The following PAX7 variants were observed in gnomAD, a reference collection of about 807,000 sequenced individuals.
The protein encoded by PAX7 is paired box protein Pax-7.
Under a neutral mutation model 50.7 loss-of-function variants are expected in PAX7, and 18 were observed. That is an observed-to-expected ratio of 0.36 (90% CI 0.25 to 0.53). PAX7 has a LOEUF of 0.53. Ranked by LOEUF, PAX7 falls within the 20% of genes least tolerant of loss-of-function variation. The pLI is 0.93. For synonymous variants in PAX7, 310 were observed against 290.4 expected, an observed-to-expected ratio of 1.07 and a Z score of -0.69; for missense variants, 644 against 702.9, an observed-to-expected ratio of 0.92 and a Z score of 0.95.
chr1:18,708,727 A>G (rs1204501528), intron 7 of PAX7, among the ~76,000 whole-genome samples: 1 of 152,078 alleles, frequency 6.6e-6, no homozygotes. Flanking sequence ...GGCAGAAAGG[A>G]GAACACAAGG....
At chr1:18,739,129 C>T (rs1930979488) in intron 8 of PAX7, among the ~76,000 whole-genome samples, 1 of 152,242 alleles carries the variant, frequency 6.6e-6, no homozygotes, top group Non-Finnish European at 1.5e-5. Context: ...GCATGCTCCT[C>T]ATTCATGTCA....
chr1:18,644,038 G>A (rs1175827611), intron 4 of PAX7, among the ~76,000 whole-genome samples: 1 of 152,248 alleles, frequency 6.6e-6, no homozygotes, highest in African/African-American at 2.4e-5. Context: ...CAATTTAGCC[G>A]CCGCCCCTTC....
At chr1:18,716,906 TG>T (rs2089431358) in intron 7 of PAX7, among the ~76,000 whole-genome samples, 1 of 151,632 alleles carries the variant, frequency 6.6e-6, no homozygotes, top group Non-Finnish European at 1.5e-5. Flanking sequence ...CCGCTGCTGG[TG>T]GGCTCCGAGG....
chr1:18,696,346 C>T (rs12563819), intron 5 of PAX7, among the ~76,000 whole-genome samples: 8,622 of 152,186 alleles, frequency 0.057, 414 homozygotes, highest in East Asian at 0.25. Context: ...GGATTACAGG[C>T]ATGAGCCACT....
intron 7 of PAX7, among the ~76,000 whole-genome samples, chr1:18,725,612 G>T (rs1375568159): frequency 6.6e-6 from 1 of 152,168 alleles, no homozygotes; most frequent in Non-Finnish European, 1.5e-5. Flanking sequence ...TTACAAAACG[G>T]CCATTTGCCG....
At chr1:18,724,032 C>T (rs778828184) in intron 7 of PAX7, among the ~76,000 whole-genome samples, 15 of 152,336 alleles carry the variant, frequency 9.8e-5, no homozygotes, top group South Asian at 2.1e-4. Flanking sequence ...TCAGTGCCCC[C>T]GCCACTCTCA....
At position 18,744,941 on chromosome 1, in the gene PAX7, C is replaced by T. The variant is rs1230573538; in HGVS notation, c.*12C>T. ...GCCAGGCCTACTAGGGCCCCTGGGG[C>T]GACTTGCCCCAGCCCAATTCCCAGC... On this transcript the variant is annotated 3_prime_UTR_variant, in exon 9 of 9. Coordinates refer to ENST00000420770, the MANE Select transcript of PAX7 (RefSeq NM_001135254.2). The T allele has an allele frequency of 2.0e-5, 29 of 1,452,612 alleles. No individual in the cohort carries two copies. Among genetic ancestry groups the T allele is most frequent in the East Asian group, 9.9e-5 (4 of 40,436 alleles). The allele number at this position is 1,452,612 out of a possible 1,614,324, so 90.0% of individuals were successfully genotyped here. A position where few individuals can be genotyped will look rare whatever the true frequency, so the allele number is the denominator to read the frequency against.
intron 7 of PAX7, among the ~76,000 whole-genome samples, chr1:18,704,978 C>A (rs2089265509): frequency 6.6e-6 from 1 of 152,224 alleles, no homozygotes; most frequent in South Asian, 2.1e-4. Flanking sequence ...CAGCTCAGGT[C>A]TGGCACAGAG....
At chr1:18,695,705 C>T (rs1448709812) in intron 5 of PAX7, among the ~76,000 whole-genome samples, 2 of 152,196 alleles carry the variant, frequency 1.3e-5, no homozygotes, top group Non-Finnish European at 2.9e-5. Flanking sequence ...TGGAGTGATA[C>T]ATATATCTTC....
chr1:18,726,652 A>G lies in PAX7; in HGVS notation c.1156-8980A>G, dbSNP rs1158796198. ...AGTTTCCACGGGGTAAGGCTTGAAC[A>G]CAGGGACCTCACAGCCTCTTTTGGC... On this transcript the variant is annotated intron_variant, in intron 7 of 8. Transcript: ENST00000420770. The surrounding 1 kb of genome is among the most constrained non-coding windows in gnomAD (Gnocchi z 4.8). Among the ~76,000 whole-genome samples, 1 of 152,222 alleles carries G rather than the reference A, an allele frequency of 6.6e-6. No homozygotes were observed. The highest frequency in any genetic ancestry group is 1.5e-5 in the Non-Finnish European group (1 of 68,030).
At chr1:18,719,592 T>G (rs2089469358) in intron 7 of PAX7, among the ~76,000 whole-genome samples, 1 of 152,242 alleles carries the variant, frequency 6.6e-6, no homozygotes, top group Non-Finnish European at 1.5e-5. Context: ...AAAGGGGACA[T>G]GTCCAGGCTG....
At chr1:18,711,645 G>A (rs2089352939) in intron 7 of PAX7, among the ~76,000 whole-genome samples, 1 of 152,174 alleles carries the variant, frequency 6.6e-6, no homozygotes. Context: ...AGGACGAGCT[G>A]ATGGAGGAGT....
intron 1 of PAX7, among the ~76,000 whole-genome samples, chr1:18,633,984 T>TC (rs1424501922): frequency 6.6e-6 from 1 of 152,164 alleles, no homozygotes; most frequent in African/African-American, 2.4e-5. Flanking sequence ...TCTCTCTCCC[T>TC]CCCCTTCTTA....
intron 4 of PAX7, among the ~76,000 whole-genome samples, chr1:18,691,005 G>T (rs2089060736): frequency 6.6e-6 from 1 of 152,108 alleles, no homozygotes; most frequent in Admixed American, 6.5e-5. Flanking sequence ...GATGAGACAG[G>T]GTCTTGCTCT....
chr1:18,696,254 A>T (rs2089148743), intron 5 of PAX7, among the ~76,000 whole-genome samples: 1 of 151,860 alleles, frequency 6.6e-6, no homozygotes, highest in Non-Finnish European at 1.5e-5. Context: ...TTTAATAGAG[A>T]CAGGGTTTTG....
Position 18,735,942 on chromosome 1 carries a change from G to T in PAX7, c.1402+64G>T. The stretch of plus-strand genomic sequence containing the variant: ...CCTTCTCCCACCCCCAGGGCCTCCT[G>T]CTTGTTTATGGAGAGCTACAAGGTG... On this transcript the variant is annotated intron_variant, in intron 8 of 8. Coordinates refer to ENST00000420770, the MANE Select transcript of PAX7 (RefSeq NM_001135254.2). The surrounding 1 kb of genome is among the most constrained non-coding windows in gnomAD (Gnocchi z 4.0). 1 of 1,613,904 alleles carries T rather than the reference G, an allele frequency of 6.2e-7. No individual in the cohort carries two copies. Among genetic ancestry groups the T allele is most frequent in the Non-Finnish European group, 8.5e-7 (1 of 1,180,008 alleles).
intron 1 of PAX7, among the ~76,000 whole-genome samples, chr1:18,631,939 C>T (rs2088062410): frequency 6.6e-6 from 1 of 152,208 alleles, no homozygotes; most frequent in African/African-American, 2.4e-5. Flanking sequence ...ACCCGCAGGG[C>T]TGAAATTCTG....
rs995522101 is a variant in PAX7, at chr1:18,735,355, C to G, written c.1156-277C>G. 6.6e-6 allele frequency among the ~76,000 whole-genome samples: 1 copy of G among 152,102 alleles called. No homozygotes were observed. Among genetic ancestry groups the G allele is most frequent in the Admixed American group, 6.5e-5 (1 of 15,278 alleles). On this transcript the variant is annotated intron_variant, in intron 7 of 8. Transcript: ENST00000420770. This position sits in a 1 kb window ranked among gnomAD's most constrained non-coding sequence, Gnocchi z 4.0. Reference sequence around the variant, plus strand: ...CCCAGAGTGACCCTTAGGGCCAGACCCTGGAGCTAGAGAGGCGAGTAAGGC... The same window carrying G: ...CCCAGAGTGACCCTTAGGGCCAGACGCTGGAGCTAGAGAGGCGAGTAAGGC...
At position 18,674,187 on chromosome 1, in the gene PAX7, G is replaced by T. The variant is rs559737508; in HGVS notation, c.587-17567G>T. Among the ~76,000 whole-genome samples the T allele has an allele frequency of 8.7e-4, 132 of 152,336 alleles. 3 individuals carry two copies. Among genetic ancestry groups the T allele is most frequent in the South Asian group, 8.1e-3 (39 of 4,830 alleles). On this transcript the variant is annotated intron_variant, in intron 4 of 8. Transcript: ENST00000420770. ...GCCAGGCCCTCTTCTGGGCATTGAGGATAAAGCAATGAATAAAACAGATAA... is the reference window on the plus strand; with the variant it reads ...GCCAGGCCCTCTTCTGGGCATTGAGTATAAAGCAATGAATAAAACAGATAA...
Sources: allele counts gnomAD v4.1 joint callset (sites outside exome capture counted in the v4.1 genomes callset), GRCh38; gene constraint gnomAD v4.1.1; non-coding constraint Gnocchi (gnomAD v3.1); transcripts MANE v1.5; gene names NCBI Gene and HGNC (gene_info 2026-07-23, HGNC 2026-07-21).